Variants in TMEM117 observed in about 807,000 individuals in gnomAD.
TMEM117 encodes the protein transmembrane protein 117.
A neutral mutation model predicts 52.4 loss-of-function variants in TMEM117; 27 were observed. That is an observed-to-expected ratio of 0.51 (90% CI 0.38 to 0.71). The LOEUF is 0.71. Among genes scored for constraint, TMEM117 ranks in the 30% least tolerant of loss-of-function variants. The pLI is 0.00. For missense variants in TMEM117, 556 were observed against 630.5 expected, an observed-to-expected ratio of 0.88 and a Z score of 1.26; for synonymous variants, 215 against 206.3, an observed-to-expected ratio of 1.04 and a Z score of -0.36.
intron 2 of TMEM117, among the ~76,000 whole-genome samples, chr12:43,897,190 A>T (rs1172281264): frequency 6.6e-6 from 1 of 152,002 alleles, no homozygotes; most frequent in East Asian, 1.9e-4. Context: ...CTCTCACCAT[A>T]TTCTTAAACT....
chr12:44,285,393 A>G (rs1774756856), intron 5 of TMEM117, among the ~76,000 whole-genome samples: 1 of 152,198 alleles, frequency 6.6e-6, no homozygotes, highest in Admixed American at 6.5e-5. Flanking sequence ...CAAACAAGAT[A>G]AGTTCATAAC....
chr12:44,045,059 C>T (rs1946858963), intron 3 of TMEM117, among the ~76,000 whole-genome samples: 1 of 152,198 alleles, frequency 6.6e-6, no homozygotes, highest in South Asian at 2.1e-4. Context: ...CAGGTGACCT[C>T]AGCAGAGGAG....
chr12:43,926,441 G>GA (rs1192068948), intron 2 of TMEM117, among the ~76,000 whole-genome samples: 4 of 151,982 alleles, frequency 2.6e-5, no homozygotes, highest in African/African-American at 7.2e-5. Flanking sequence ...TATAGTCTGA[G>GA]AAAAAAATAA....
chr12:43,908,934 T>C (rs1256779512), intron 2 of TMEM117, among the ~76,000 whole-genome samples: 1 of 141,586 alleles, frequency 7.1e-6, no homozygotes, highest in African/African-American at 2.5e-5. Context: ...ATTAGACAGA[T>C]CAACGAGACA....
At chr12:44,101,094 G>A (rs2138074545) in intron 3 of TMEM117, among the ~76,000 whole-genome samples, 1 of 151,776 alleles carries the variant, frequency 6.6e-6, no homozygotes, top group Admixed American at 6.6e-5. Context: ...AGCTCTCTGG[G>A]GACTCTTTTA....
chr12:44,212,878 G>T (rs944408361), intron 5 of TMEM117, among the ~76,000 whole-genome samples: 2 of 151,794 alleles, frequency 1.3e-5, no homozygotes, highest in African/African-American at 4.8e-5. Context: ...GTTATCTTTT[G>T]TGCTTTAGTA....
chr12:43,859,456 A>G (rs1022874707), intron 2 of TMEM117, among the ~76,000 whole-genome samples: 1 of 152,196 alleles, frequency 6.6e-6, no homozygotes, highest in East Asian at 1.9e-4. Context: ...CATGGAGCAT[A>G]TCTCTCCCTT....
At chr12:44,337,895 C>T (rs1334950615) in intron 6 of TMEM117, among the ~76,000 whole-genome samples, 1 of 152,002 alleles carries the variant, frequency 6.6e-6, no homozygotes, top group Non-Finnish European at 1.5e-5. Flanking sequence ...CTTTCCATTG[C>T]AAACTGTAGA....
intron 2 of TMEM117, among the ~76,000 whole-genome samples, chr12:43,927,357 G>T (rs12301015): frequency 0.14 from 21,754 of 151,572 alleles, 2,353 homozygotes; most frequent in African/African-American, 0.3. Context: ...TTCTCTAATT[G>T]TTGCATGCAG....
chr12:44,211,279 C>G lies in TMEM117; in HGVS notation c.511-11C>G. The G allele has an allele frequency of 6.3e-7, 1 of 1,585,504 alleles. No homozygotes were observed. The highest frequency in any genetic ancestry group is 1.7e-5 in the Admixed American group (1 of 58,578). Reference sequence around the variant, plus strand: ...CTGAAAGTGCTGAATAAGTTCCTTTCATTGCTTCAGGTCACTGATATGATG... The same window carrying G: ...CTGAAAGTGCTGAATAAGTTCCTTTGATTGCTTCAGGTCACTGATATGATG... On this transcript the variant is annotated splice_polypyrimidine_tract_variant and intron_variant, in intron 4 of 7. Coordinates refer to ENST00000266534, the MANE Select transcript of TMEM117 (RefSeq NM_032256.3).
chr12:43,986,224 T>TA (rs1371648448), intron 3 of TMEM117, among the ~76,000 whole-genome samples: 3 of 152,204 alleles, frequency 2.0e-5, no homozygotes, highest in African/African-American at 4.8e-5. Flanking sequence ...TGATAGAGGT[T>TA]AAAAAAATCA....
At chr12:43,941,722 T>A (rs1945047733) in intron 2 of TMEM117, among the ~76,000 whole-genome samples, 1 of 152,232 alleles carries the variant, frequency 6.6e-6, no homozygotes, top group African/African-American at 2.4e-5. Flanking sequence ...TGCAGCACTT[T>A]TATTGTTCTC....
intron 3 of TMEM117, among the ~76,000 whole-genome samples, chr12:44,031,615 G>A (rs1946633761): frequency 6.6e-6 from 1 of 152,160 alleles, no homozygotes; most frequent in Non-Finnish European, 1.5e-5. Context: ...AAATGCTGCT[G>A]ATACTTTGTT....
the TMEM117 span, among the ~76,000 whole-genome samples, chr12:44,395,127 ACT>A: frequency 1.3e-5 from 2 of 152,200 alleles, no homozygotes; most frequent in East Asian, 1.9e-4. Flanking sequence ...AGGAAAGATA[ACT>A]CTAACAATTA....
chr12:44,301,931 C>G (rs1950845561), intron 6 of TMEM117, among the ~76,000 whole-genome samples: 1 of 152,190 alleles, frequency 6.6e-6, no homozygotes, highest in Non-Finnish European at 1.5e-5. Context: ...TGGGCTATAA[C>G]TCCAAATTAG....
intron 5 of TMEM117, among the ~76,000 whole-genome samples, chr12:44,271,955 CAT>C (rs1592655319): frequency 6.6e-6 from 1 of 152,012 alleles, no homozygotes; most frequent in Non-Finnish European, 1.5e-5. Context: ...CAAAAGAAGA[CAT>C]ACAGAAATCC....
At chr12:44,007,517 A>T (rs759872527) in intron 3 of TMEM117, among the ~76,000 whole-genome samples, 1 of 152,020 alleles carries the variant, frequency 6.6e-6, no homozygotes, top group Non-Finnish European at 1.5e-5. Context: ...CTTTCTCTCA[A>T]CCCTTCATTA....
At chr12:44,176,908 T>C (rs1949123343) in intron 4 of TMEM117, among the ~76,000 whole-genome samples, 1 of 152,102 alleles carries the variant, frequency 6.6e-6, no homozygotes, top group South Asian at 2.1e-4. Context: ...AGGGTAACAG[T>C]GTTAAGAATA....
At chr12:44,141,017 C>T (rs927929701) in intron 3 of TMEM117, among the ~76,000 whole-genome samples, 3 of 152,072 alleles carry the variant, frequency 2.0e-5, no homozygotes, top group Non-Finnish European at 2.9e-5. Context: ...GTTGTCTGTT[C>T]TTCACAGTTC....
Sources: allele counts gnomAD v4.1 joint callset (sites outside exome capture counted in the v4.1 genomes callset), GRCh38; gene constraint gnomAD v4.1.1; transcripts MANE v1.5; gene names NCBI Gene and HGNC (gene_info 2026-07-23, HGNC 2026-07-21).